MAST4: variants seen among roughly 807,000 people sequenced by gnomAD.
MAST4 encodes microtubule associated serine/threonine kinase family member 4.
Under a neutral mutation model 162.7 loss-of-function variants are expected in MAST4, and 89 were observed. The observed-to-expected ratio is 0.55, with a 90% CI of 0.46 to 0.65. The LOEUF (loss-of-function observed/expected upper bound fraction) is 0.65. MAST4 is among the 30% of genes least tolerant of loss of function. The probability of loss-of-function intolerance (pLI) is 0.00; values close to 1 mark genes in which losing one functional copy is unlikely to be tolerated. For missense variants in MAST4, 3,153 were observed against 3,374.0 expected, an observed-to-expected ratio of 0.93 and a Z score of 1.62; for synonymous variants, 1,479 against 1,361.1, an observed-to-expected ratio of 1.09 and a Z score of -1.91.
In MAST4 at chr5:67,121,088, C is replaced by A; in HGVS notation, c.1731C>A (p.Ser577Arg). 1 of 1,606,946 alleles carries A rather than the reference C, an allele frequency of 6.2e-7. No homozygotes were observed. The change falls in exon 14 of 29, where the codon AGC (serine) becomes AGA (arginine). Residue 577 changes from serine (S) to arginine (R), a missense_variant. Physicochemically the swap from Ser to Arg is moderately radical, Grantham distance 110 (BLOSUM62 -1). Around this residue, in one of 7 missense-constraint regions of MAST4, gnomAD observed 360 missense variants for 450.0 expected, o/e 0.80. Coordinates refer to ENST00000403625, the MANE Select transcript of MAST4 (RefSeq NM_001164664.2). ...ATTTTGAAACGATTAAATTGATTAG[C>A]AATGGAGCCTATGGGTGAGTAATTC... The part of the protein sequence containing the change: ...ESDFETIKLI[S>R]NGAYGAVYFV...
intron 1 of MAST4, among the ~76,000 whole-genome samples, chr5:66,677,452 C>A (rs554268650): frequency 6.6e-6 from 1 of 152,188 alleles, no homozygotes; most frequent in African/African-American, 2.4e-5. Context: ...GCCAGATATC[C>A]ATTTTGCATT....
chr5:67,062,023 C>T (rs1759675912), intron 5 of MAST4, among the ~76,000 whole-genome samples: 1 of 152,132 alleles, frequency 6.6e-6, no homozygotes, highest in Non-Finnish European at 1.5e-5. Flanking sequence ...GAGGCTATTA[C>T]TTATGAATTT....
intron 1 of MAST4, among the ~76,000 whole-genome samples, chr5:66,716,532 T>A (rs1333635035): frequency 6.6e-6 from 1 of 151,858 alleles, no homozygotes; most frequent in African/African-American, 2.4e-5. Context: ...AAATTTTTTT[T>A]TTTTTTTCTG....
At chr5:66,706,675 T>A (rs144312799) in intron 1 of MAST4, among the ~76,000 whole-genome samples, 2,068 of 152,108 alleles carry the variant, frequency 0.014, 17 homozygotes, top group Non-Finnish European at 0.021. Flanking sequence ...ACATTCTTCA[T>A]CTTCAGTTAG....
At chr5:66,917,938 A>C (rs1259179873) in intron 4 of MAST4, among the ~76,000 whole-genome samples, 1 of 152,174 alleles carries the variant, frequency 6.6e-6, no homozygotes, top group East Asian at 1.9e-4. Flanking sequence ...AAATGCTTTT[A>C]AAATGAAAGG....
chr5:66,987,173 G>A (rs1358987184), intron 4 of MAST4, among the ~76,000 whole-genome samples: 7 of 152,110 alleles, frequency 4.6e-5, no homozygotes, highest in Admixed American at 1.3e-4. Context: ...TGAAAGAAAC[G>A]AGAGCCTTGT....
intron 1 of MAST4, among the ~76,000 whole-genome samples, chr5:66,720,070 C>CT (rs752353001): frequency 1.4e-4 from 22 of 152,108 alleles, no homozygotes; most frequent in Non-Finnish European, 2.8e-4. Context: ...CTGAGGTTAA[C>CT]GCAAAGGCCT....
chr5:66,886,582 A>G (rs1762052513), intron 3 of MAST4, among the ~76,000 whole-genome samples: 1 of 151,574 alleles, frequency 6.6e-6, no homozygotes. Context: ...AAGTGAGTCC[A>G]GAATCAACTA....
chr5:66,922,685 T>A (rs1764618566), intron 4 of MAST4, among the ~76,000 whole-genome samples: 1 of 152,302 alleles, frequency 6.6e-6, no homozygotes, highest in African/African-American at 2.4e-5. Context: ...TTGAGATGTA[T>A]GAATAGAAAA....
chr5:66,973,217 C>T (rs914011946), intron 4 of MAST4, among the ~76,000 whole-genome samples: 4 of 152,088 alleles, frequency 2.6e-5, no homozygotes, highest in Middle Eastern at 3.4e-3. Flanking sequence ...ATTATTATGG[C>T]GTTAAAATTG....
At chr5:66,935,921 G>T (rs182808874) in intron 4 of MAST4, among the ~76,000 whole-genome samples, 1 of 152,126 alleles carries the variant, frequency 6.6e-6, no homozygotes, top group East Asian at 1.9e-4. Context: ...ATTTACCTCT[G>T]CCTCCCAAAG....
chr5:66,964,204 G>A (rs1746365116), intron 4 of MAST4: 2 of 369,588 alleles, frequency 5.4e-6, no homozygotes, highest in Admixed American at 3.8e-5. Context: ...ATTGTCTAAA[G>A]TGTTAATATT....
chr5:67,037,579 A>T (rs1011597715), intron 4 of MAST4, among the ~76,000 whole-genome samples: 8 of 152,184 alleles, frequency 5.3e-5, no homozygotes, highest in Non-Finnish European at 8.8e-5. Flanking sequence ...TAAAACATTT[A>T]AAAAATATCA....
At chr5:66,680,382 C>T (rs974239956) in intron 1 of MAST4, among the ~76,000 whole-genome samples, 29 of 152,168 alleles carry the variant, frequency 1.9e-4, no homozygotes, top group Non-Finnish European at 3.2e-4. Flanking sequence ...ATTGTCTTTC[C>T]TGACTCCCTT....
At chr5:67,007,547 G>A (rs989551173) in intron 4 of MAST4, among the ~76,000 whole-genome samples, 1 of 152,136 alleles carries the variant, frequency 6.6e-6, no homozygotes, top group Non-Finnish European at 1.5e-5. Flanking sequence ...GTAATCTGGA[G>A]GACTTTATCT....
At position 67,099,405 on chromosome 5, in the gene MAST4, A is replaced by G. The variant is rs560042425; in HGVS notation, c.913-1030A>G. Among the ~76,000 whole-genome samples, 8 of 152,190 alleles carry G rather than the reference A, an allele frequency of 5.3e-5. No individual in the cohort carries two copies. The East Asian group carries it at 1.5e-3, about 29-fold the overall frequency. ...GTAAGATGTTTTATAATTTCAAGTTATAGGAATAATTTTTAAGCTTTAGGC... is the reference window on the plus strand; with the variant it reads ...GTAAGATGTTTTATAATTTCAAGTTGTAGGAATAATTTTTAAGCTTTAGGC... On this transcript the variant is annotated intron_variant, in intron 7 of 28. Transcript: ENST00000403625.
intron 1 of MAST4, among the ~76,000 whole-genome samples, chr5:66,607,322 T>C (rs1172310456): frequency 6.6e-6 from 1 of 152,226 alleles, no homozygotes; most frequent in African/African-American, 2.4e-5. Flanking sequence ...TGCTAAGACA[T>C]AAAGCTGCTA....
intron 2 of MAST4, among the ~76,000 whole-genome samples, chr5:66,780,512 G>C (rs570918023): frequency 2.7e-4 from 41 of 152,302 alleles, no homozygotes; most frequent in Middle Eastern, 6.8e-3. Context: ...GCGGACCTTC[G>C]TGGCGAGTGT....
chr5:66,696,136 G>A (rs1749382678), intron 1 of MAST4, among the ~76,000 whole-genome samples: 1 of 152,086 alleles, frequency 6.6e-6, no homozygotes, highest in South Asian at 2.1e-4. Context: ...TCACTTATAA[G>A]TGGGAGCTGA....
Sources: gnomAD v4.1 joint callset for allele counts (sites outside exome capture counted in the v4.1 genomes callset) on GRCh38, gnomAD v4.1.1 for gene constraint, gnomAD v4.1.1 regional missense constraint, MANE v1.5 for transcripts, NCBI Gene and HGNC (gene_info 2026-07-23, HGNC 2026-07-21) for gene names.